Variants in NALF1 observed in about 807,000 individuals in gnomAD.
The protein encoded by NALF1 is NALCN channel auxiliary factor 1.
NALF1 carries 3 observed loss-of-function variants against 48.4 expected under a neutral mutation model. That is an observed-to-expected ratio of 0.06 (90% CI 0.03 to 0.16). The LOEUF is 0.16. Among genes scored for constraint, NALF1 ranks in the 10% least tolerant of loss-of-function variants. NALF1 has a pLI of 1.00. For synonymous variants in NALF1, 262 were observed against 245.7 expected (o/e 1.07, Z -0.62); for missense variants, 526 against 571.5 (o/e 0.92, Z 0.81).
At chr13:107,522,908 G>A (rs879657445) in intron 1 of NALF1, among the ~76,000 whole-genome samples, 16 of 151,924 alleles carry the variant, frequency 1.1e-4, no homozygotes, top group Admixed American at 3.9e-4. Flanking sequence ...GTGAGCCACC[G>A]TGCCTGGCCC....
intron 1 of NALF1, among the ~76,000 whole-genome samples, chr13:107,822,211 T>A (rs1879378884): frequency 6.6e-6 from 1 of 152,040 alleles, no homozygotes; most frequent in African/African-American, 2.4e-5. Context: ...GCAAAAACAA[T>A]AAAGCCCAGT....
At chr13:107,368,660 C>T (rs9520407) in intron 1 of NALF1, among the ~76,000 whole-genome samples, 8,315 of 152,290 alleles carry the variant, frequency 0.055, 267 homozygotes, top group African/African-American at 0.059. Flanking sequence ...TTCTCTTCCA[C>T]CTGTGTCTCT....
At chr13:107,756,533 A>G (rs1295086549) in intron 1 of NALF1, among the ~76,000 whole-genome samples, 1 of 151,984 alleles carries the variant, frequency 6.6e-6, no homozygotes, top group Non-Finnish European at 1.5e-5. Flanking sequence ...CATAAAATAA[A>G]CATTAGTCTG....
rs150411539 is a variant in NALF1 at position 107,501,156 on chromosome 13, G to A, written c.916-290401C>T. ...GCCTTGGACACTGTGTCTTCTGGAAGAGGAGAAAGGTCATGGCCTCACATG... is the reference window on the plus strand; with the variant it reads ...GCCTTGGACACTGTGTCTTCTGGAAAAGGAGAAAGGTCATGGCCTCACATG... On this transcript the variant is annotated intron_variant, in intron 1 of 2. Coordinates refer to ENST00000375915, the MANE Select transcript of NALF1 (RefSeq NM_001080396.3). 6.4e-3 allele frequency among the ~76,000 whole-genome samples: 973 copies of A among 152,116 alleles called. 10 individuals are homozygous for A. Among genetic ancestry groups the A allele is most frequent in the Middle Eastern group, 0.014 (4 of 292 alleles).
chr13:107,538,179 AC>A (rs1339668635), intron 1 of NALF1, among the ~76,000 whole-genome samples: 6 of 152,180 alleles, frequency 3.9e-5, no homozygotes, highest in Non-Finnish European at 8.8e-5. Flanking sequence ...TCTATTTTCT[AC>A]ATCTGACCAA....
Position 107,764,135 on chromosome 13 carries a change from T to C in NALF1, c.915+101547A>G, listed in dbSNP as rs185341552. ...GTGAAAACATTATGGAAACTGGGCA[T>C]GTTTGAAGAGGAAATAAAAAGGCAA... On this transcript the variant is annotated intron_variant, in intron 1 of 2. Coordinates refer to ENST00000375915, the MANE Select transcript of NALF1 (RefSeq NM_001080396.3). Among the ~76,000 whole-genome samples, 31 of 152,256 alleles carry C rather than the reference T, an allele frequency of 2.0e-4. No individual in the cohort carries two copies. The East Asian group carries it at 3.1e-3, about 15-fold the overall frequency.
intron 1 of NALF1, among the ~76,000 whole-genome samples, chr13:107,258,470 T>C (rs1302594710): frequency 2.6e-5 from 4 of 152,192 alleles, no homozygotes; most frequent in African/African-American, 9.6e-5. Flanking sequence ...CAAAAGTTCA[T>C]AATTAGTTGG....
intron 1 of NALF1, among the ~76,000 whole-genome samples, chr13:107,372,807 C>A (rs1026724901): frequency 6.6e-6 from 1 of 152,116 alleles, no homozygotes; most frequent in Non-Finnish European, 1.5e-5. Flanking sequence ...TATCAAAGGT[C>A]CCAAGAAACT....
chr13:107,667,269 C>G (rs1240262293), intron 1 of NALF1, among the ~76,000 whole-genome samples: 1 of 151,864 alleles, frequency 6.6e-6, no homozygotes, highest in Non-Finnish European at 1.5e-5. Context: ...CCCCAATACC[C>G]ATAAACACAC....
chr13:107,828,460 T>TA (rs757265829), intron 1 of NALF1, among the ~76,000 whole-genome samples: 1 of 150,076 alleles, frequency 6.7e-6, no homozygotes, highest in African/African-American at 2.4e-5. Flanking sequence ...ACTCAGAAAA[T>TA]AGAGTGCTTT....
chr13:107,817,502 T>C (rs866029974), intron 1 of NALF1, among the ~76,000 whole-genome samples: 2 of 152,110 alleles, frequency 1.3e-5, no homozygotes, highest in Admixed American at 6.5e-5. Context: ...CTCTAGGGAG[T>C]GCCGGGATTT....
intron 1 of NALF1, among the ~76,000 whole-genome samples, chr13:107,798,071 C>T (rs959524431): frequency 3.3e-5 from 5 of 152,098 alleles, no homozygotes; most frequent in African/African-American, 9.7e-5. Context: ...TTTTTGGCCA[C>T]AGAGACATGA....
At chr13:107,277,455 A>T (rs1375208381) in intron 1 of NALF1, among the ~76,000 whole-genome samples, 1 of 152,168 alleles carries the variant, frequency 6.6e-6, no homozygotes, top group African/African-American at 2.4e-5. Context: ...CCAGAAGGAA[A>T]GCTTTCTATC....
intron 1 of NALF1, among the ~76,000 whole-genome samples, chr13:107,285,288 A>G (rs1881470772): frequency 1.3e-5 from 2 of 152,246 alleles, no homozygotes; most frequent in Non-Finnish European, 2.9e-5. Context: ...TGCCCTAGAT[A>G]TATGGGTGAA....
At chr13:107,219,571 A>G (rs895667930) in intron 1 of NALF1, among the ~76,000 whole-genome samples, 3 of 152,246 alleles carry the variant, frequency 2.0e-5, no homozygotes, top group African/African-American at 7.2e-5. Flanking sequence ...AGAATGTGTT[A>G]GGCTTTCCTT....
intron 1 of NALF1, among the ~76,000 whole-genome samples, chr13:107,673,307 T>C (rs770065934): frequency 2.0e-5 from 3 of 152,118 alleles, no homozygotes; most frequent in Admixed American, 6.6e-5. Flanking sequence ...AACCACAAAA[T>C]AGCCTGATGC....
intron 1 of NALF1, among the ~76,000 whole-genome samples, chr13:107,341,011 G>A (rs998189269): frequency 6.6e-6 from 1 of 152,056 alleles, no homozygotes; most frequent in East Asian, 1.9e-4. Context: ...TATTGTTACT[G>A]CCCAATTTTT....
At chr13:107,278,706 G>C (rs1384156373) in intron 1 of NALF1, among the ~76,000 whole-genome samples, 1 of 152,158 alleles carries the variant, frequency 6.6e-6, no homozygotes, top group Non-Finnish European at 1.5e-5. Context: ...TTAAAAATCT[G>C]ATGATAGCAT....
intron 1 of NALF1, among the ~76,000 whole-genome samples, chr13:107,775,515 T>C (rs1566477077): frequency 6.6e-6 from 1 of 152,016 alleles, no homozygotes; most frequent in Non-Finnish European, 1.5e-5. Context: ...GCAATAAACA[T>C]ACGTGTGCAT....
Sources: gnomAD v4.1 joint callset for allele counts (sites outside exome capture counted in the v4.1 genomes callset) on GRCh38, gnomAD v4.1.1 for gene constraint, MANE v1.5 for transcripts, NCBI Gene and HGNC (gene_info 2026-07-23, HGNC 2026-07-21) for gene names.